SIPA1L3: variants seen among roughly 807,000 people sequenced by gnomAD.
SIPA1L3 encodes the protein signal induced proliferation associated 1 like 3.
In SIPA1L3, 59 loss-of-function variants were observed where a neutral mutation model predicts 150.1. That is an observed-to-expected ratio of 0.39 (90% CI 0.32 to 0.49). The LOEUF is 0.49. SIPA1L3 is among the 20% of genes least tolerant of loss of function. The pLI is 0.86. For synonymous variants in SIPA1L3, 1,070 were observed against 1,077.6 expected, an observed-to-expected ratio of 0.99 and a Z score of 0.14; for missense variants, 2,211 against 2,489.5, an observed-to-expected ratio of 0.89 and a Z score of 2.38.
chr19:38,135,180 T>A (rs1395911477), intron 10 of SIPA1L3, among the ~76,000 whole-genome samples: 1 of 152,204 alleles, frequency 6.6e-6, no homozygotes, highest in Non-Finnish European at 1.5e-5. Flanking sequence ...ATGCGAGTGA[T>A]GTCCCCACCC....
At chr19:38,104,650 C>A (rs1190933711) in intron 6 of SIPA1L3, among the ~76,000 whole-genome samples, 1 of 152,154 alleles carries the variant, frequency 6.6e-6, no homozygotes, top group Non-Finnish European at 1.5e-5. Flanking sequence ...TGGCTCACTG[C>A]AACCTTCACC....
intron 2 of SIPA1L3, among the ~76,000 whole-genome samples, chr19:38,075,450 C>T (rs954308785): frequency 6.4e-5 from 9 of 141,040 alleles, no homozygotes; most frequent in South Asian, 2.2e-4. Context: ...AGTGATGCTC[C>T]GTCTCAGAAA....
At chr19:38,067,078 A>G (rs1969611149) in intron 2 of SIPA1L3, among the ~76,000 whole-genome samples, 1 of 152,010 alleles carries the variant, frequency 6.6e-6, no homozygotes, top group Non-Finnish European at 1.5e-5. Context: ...CTCTACAAAA[A>G]AAAATTAAAA....
intron 18 of SIPA1L3, among the ~76,000 whole-genome samples, chr19:38,197,044 C>T (rs1972971458): frequency 6.6e-6 from 1 of 152,194 alleles, no homozygotes; most frequent in Admixed American, 6.5e-5. Context: ...GTAGTACTAG[C>T]TGGAAGCCAT....
At chr19:38,184,186 C>CT (rs1010231574) in intron 16 of SIPA1L3, among the ~76,000 whole-genome samples, 32 of 151,038 alleles carry the variant, frequency 2.1e-4, no homozygotes, top group African/African-American at 6.1e-4. Flanking sequence ...CACCCCACCC[C>CT]TTTTTTTTTG....
At chr19:37,942,086 C>G (rs147658937) in intron 1 of SIPA1L3, among the ~76,000 whole-genome samples, 2 of 152,310 alleles carry the variant, frequency 1.3e-5, no homozygotes, top group Non-Finnish European at 1.5e-5. Flanking sequence ...TGTGCAAACT[C>G]ATTCATTCAT....
intron 19 of SIPA1L3, chr19:38,199,959 T>C (rs900781802): frequency 5.3e-5 from 8 of 152,290 alleles, no homozygotes; most frequent in African/African-American, 1.9e-4. Flanking sequence ...TTGGGTGCAG[T>C]GGTTCGCACC....
At chr19:38,080,654 A>G (rs1969955911) in intron 2 of SIPA1L3, among the ~76,000 whole-genome samples, 1 of 152,016 alleles carries the variant, frequency 6.6e-6, no homozygotes, top group Admixed American at 6.6e-5. Flanking sequence ...GATACAAGCT[A>G]AAATATTTAT....
chr19:38,065,012 A>G (rs1475037773), intron 2 of SIPA1L3, among the ~76,000 whole-genome samples: 2 of 152,206 alleles, frequency 1.3e-5, no homozygotes, highest in Non-Finnish European at 2.9e-5. Flanking sequence ...GAAGGTATTC[A>G]CCCATTTATT....
rs145507910 is a variant in SIPA1L3, at chr19:38,032,901, A to G, written c.-311+3745A>G. The stretch of plus-strand genomic sequence containing the variant: ...AGGATAAGTTGGATGTATATAGTGT[A>G]CATAGGATGTATATAGGAGTATATA... On this transcript the variant is annotated intron_variant, in intron 2 of 21. Transcript: ENST00000222345. 1.2e-3 allele frequency among the ~76,000 whole-genome samples: 190 copies of G among 152,158 alleles called. 1 individual carries two copies. Among genetic ancestry groups the G allele is most frequent in the Non-Finnish European group, 2.0e-3 (137 of 68,022 alleles).
At chr19:38,049,909 T>TCTC (rs1360992275) in intron 2 of SIPA1L3, among the ~76,000 whole-genome samples, 1 of 152,108 alleles carries the variant, frequency 6.6e-6, no homozygotes, top group Admixed American at 6.5e-5. Context: ...TGAGTCTGGC[T>TCTC]GAGTGCCTCT....
At chr19:38,154,635 A>AT (rs1971901078) in intron 13 of SIPA1L3, among the ~76,000 whole-genome samples, 1 of 151,890 alleles carries the variant, frequency 6.6e-6, no homozygotes, top group Non-Finnish European at 1.5e-5. Context: ...TTTAGTAGAG[A>AT]CGGGGTTTCA....
chr19:38,157,178 A>T (rs1188762109), intron 13 of SIPA1L3, among the ~76,000 whole-genome samples: 1 of 152,146 alleles, frequency 6.6e-6, no homozygotes, highest in Non-Finnish European at 1.5e-5. Flanking sequence ...AAAAAATAAA[A>T]AAAAGTTGGT....
At chr19:38,141,122 G>T in intron 10 of SIPA1L3, 62 bp from the exon 11 acceptor site, 1 of 1,332,226 alleles carries the variant, frequency 7.5e-7, no homozygotes, top group Non-Finnish European at 1.0e-6. Flanking sequence ...ACCCAGCCTA[G>T]ACAGCAGGCC....
chr19:38,101,341 AG>A (rs1323455405), intron 6 of SIPA1L3, 115 bp downstream of exon 6: 1 of 676,788 alleles, frequency 1.5e-6, no homozygotes, highest in African/African-American at 1.9e-5. Flanking sequence ...GGGAGCTCTC[AG>A]ACTTCACTTG....
chr19:37,979,142 C>G (rs192698352), intron 1 of SIPA1L3, among the ~76,000 whole-genome samples: 1 of 152,114 alleles, frequency 6.6e-6, no homozygotes, highest in Non-Finnish European at 1.5e-5. Context: ...AGCCTGCGGG[C>G]GAGATCCAAC....
At chr19:38,072,796 A>C (rs1252107417) in intron 2 of SIPA1L3, among the ~76,000 whole-genome samples, 1 of 152,274 alleles carries the variant, frequency 6.6e-6, no homozygotes. Context: ...ACAACTGTCC[A>C]CATTGGAGGG....
intron 1 of SIPA1L3, among the ~76,000 whole-genome samples, chr19:37,954,983 T>C (rs1453872266): frequency 6.7e-6 from 1 of 148,950 alleles, no homozygotes; most frequent in African/African-American, 2.5e-5. Context: ...GGTACTTGGG[T>C]AGCTGAAGCA....
chr19:37,968,061 A>ATT lies in SIPA1L3; in HGVS notation c.-379+60704_-379+60705insTT, dbSNP rs1188699689. ...TTCATTAATGGGTTCTGATGGCCTCATCTCTTTCTTTCTTTCTTTCTTTCT... is the reference window on the plus strand; with the variant it reads ...TTCATTAATGGGTTCTGATGGCCTCATTTCTCTTTCTTTCTTTCTTTCTTTCT... On this transcript the variant is annotated intron_variant, in intron 1 of 21. Transcript: ENST00000222345. Among the ~76,000 whole-genome samples, 38 of 81,088 alleles carry ATT rather than the reference A, an allele frequency of 4.7e-4. No homozygotes were observed. The East Asian group carries it at 0.039, about 84-fold the overall frequency. The allele number at this position is 81,088 out of a possible 152,430, so 53.2% of individuals were successfully genotyped here.
Sources: allele counts gnomAD v4.1 joint callset (sites outside exome capture counted in the v4.1 genomes callset), GRCh38; gene constraint gnomAD v4.1.1; transcripts MANE v1.5; gene names NCBI Gene and HGNC (gene_info 2026-07-23, HGNC 2026-07-21).